Variants in ZC2HC1A observed in about 807,000 individuals in gnomAD.
ZC2HC1A encodes zinc finger C2HC domain-containing protein 1A.
In ZC2HC1A, 28 loss-of-function variants were observed where a neutral mutation model predicts 40.7. The ratio of observed to expected loss-of-function variants is 0.69; its 90% CI spans 0.51 to 0.94. ZC2HC1A has a LOEUF of 0.94. Among genes scored for constraint, ZC2HC1A ranks in the 40% least tolerant of loss-of-function variants. The probability of loss-of-function intolerance (pLI) is 0.00; values close to 1 mark genes in which losing one functional copy is unlikely to be tolerated. For synonymous variants in ZC2HC1A, 129 were observed against 129.2 expected, an observed-to-expected ratio of 1.00 and a Z score of 0.01; for missense variants, 389 against 386.3, an observed-to-expected ratio of 1.01 and a Z score of -0.06.
At chr8:78,713,999 G>T (rs1011273694) in intron 7 of ZC2HC1A, among the ~76,000 whole-genome samples, 2 of 152,038 alleles carry the variant, frequency 1.3e-5, no homozygotes, top group Non-Finnish European at 2.9e-5. Flanking sequence ...CAATTTTAGG[G>T]TACTCTCTCC....
Position 78,686,398 on chromosome 8 carries a change from G to A in ZC2HC1A, c.211-69G>A, listed in dbSNP as rs554946022. On this transcript the variant is annotated intron_variant, in intron 3 of 8. Transcript: ENST00000263849. ...TTAAAATGATATGGAATTATCTGAT[G>A]TTTTATTTCAATATACTAAAAAGAT... The A allele has an allele frequency of 4.0e-4, 468 of 1,178,980 alleles. 1 individual carries two copies. In the African/African-American group the frequency reaches 6.8e-3, roughly 17 times the overall value. 73.0% of individuals were successfully genotyped at this position (1,178,980 alleles called of 1,614,324 possible).
chr8:78,681,206 C>T (rs1471258466), intron 3 of ZC2HC1A, among the ~76,000 whole-genome samples: 1 of 151,948 alleles, frequency 6.6e-6, no homozygotes, highest in East Asian at 1.9e-4. Context: ...TGTATAGCTA[C>T]CCTGGGCCTC....
intron 1 of ZC2HC1A, among the ~76,000 whole-genome samples, chr8:78,667,329 T>C (rs981704250): frequency 3.9e-5 from 6 of 152,188 alleles, no homozygotes; most frequent in South Asian, 2.1e-4. Context: ...GTCTTGTTTT[T>C]TGCTTATGTG....
Position 78,718,379 on chromosome 8 carries a change from A to G in ZC2HC1A, c.*886A>G, listed in dbSNP as rs957053114. The G allele has an allele frequency of 1.3e-5, 2 of 152,004 alleles. No homozygotes were observed. The highest frequency in any genetic ancestry group is 2.1e-4 in the South Asian group (1 of 4,838). The allele number at this position is 152,004 out of a possible 1,614,324, so 9.4% of individuals were successfully genotyped here. ...CAAAATCTTACATGTTTAAAAACAT[A>G]TAATTTTTTGTATCTGAATTTAGAA... On this transcript the variant is annotated 3_prime_UTR_variant, in exon 9 of 9. Transcript: ENST00000263849.
At chr8:78,714,659 A>G (rs1249659115) in intron 7 of ZC2HC1A, among the ~76,000 whole-genome samples, 1 of 152,232 alleles carries the variant, frequency 6.6e-6, no homozygotes, top group Non-Finnish European at 1.5e-5. Context: ...TGATCCAACC[A>G]GAAGTCCCTC....
At chr8:78,703,536 CTTT>C (rs35710652) in intron 7 of ZC2HC1A, among the ~76,000 whole-genome samples, 1 of 139,706 alleles carries the variant, frequency 7.2e-6, no homozygotes. Flanking sequence ...TAATACCCTT[CTTT>C]TTTTTTTTTT....
chr8:78,683,609 G>A (rs1356712131), intron 3 of ZC2HC1A, among the ~76,000 whole-genome samples: 1 of 152,104 alleles, frequency 6.6e-6, no homozygotes, highest in Non-Finnish European at 1.5e-5. Flanking sequence ...AACCTGTGAT[G>A]GGAGGGGCTG....
At chr8:78,673,900 G>A (rs540772292) in intron 1 of ZC2HC1A, among the ~76,000 whole-genome samples, 1 of 151,870 alleles carries the variant, frequency 6.6e-6, no homozygotes, top group African/African-American at 2.4e-5. Context: ...TCCCCAAATA[G>A]CATTATTTTA....
rs115048201 is a variant in ZC2HC1A at position 78,692,838 on chromosome 8, C to T, written c.504+3465C>T. ...TGTTGGTGTGCTGCACCCATTAACT[C>T]GTCATTTACATGGAGTATATCTCCT... On this transcript the variant is annotated intron_variant, in intron 5 of 8. Coordinates refer to ENST00000263849, the MANE Select transcript of ZC2HC1A (RefSeq NM_016010.3). 2.6e-3 allele frequency among the ~76,000 whole-genome samples: 399 copies of T among 152,164 alleles called. 1 individual carries two copies. Among genetic ancestry groups the T allele is most frequent in the African/African-American group, 9.1e-3 (376 of 41,482 alleles).
Position 78,666,121 on chromosome 8 carries a change from G to A in ZC2HC1A, c.-28G>A. The A allele has an allele frequency of 6.4e-7, 1 of 1,563,292 alleles. No individual in the cohort carries two copies. Among genetic ancestry groups the A allele is most frequent in the East Asian group, 2.4e-5 (1 of 42,404 alleles). On this transcript the variant is annotated 5_prime_UTR_variant, in exon 1 of 9. Coordinates refer to ENST00000263849, the MANE Select transcript of ZC2HC1A (RefSeq NM_016010.3). Reference sequence around the variant, plus strand: ...GGCGGTGGCGGGCGCTGCTGAAGGAGTCTCGCTGAGCTCGAGGAGGTGGCG... The same window carrying A: ...GGCGGTGGCGGGCGCTGCTGAAGGAATCTCGCTGAGCTCGAGGAGGTGGCG...
chr8:78,667,469 CAT>C (rs1396554058), intron 1 of ZC2HC1A, among the ~76,000 whole-genome samples: 2 of 151,906 alleles, frequency 1.3e-5, no homozygotes, highest in East Asian at 1.9e-4. Flanking sequence ...ATGAGATTAT[CAT>C]ATATAATATG....
chr8:78,704,520 G>A (rs945276801), intron 7 of ZC2HC1A, among the ~76,000 whole-genome samples: 1 of 151,860 alleles, frequency 6.6e-6, no homozygotes, highest in African/African-American at 2.4e-5. Flanking sequence ...CTCTCTAGCT[G>A]CCTTTAACAT....
chr8:78,675,056 G>A (rs1809536696), intron 1 of ZC2HC1A, among the ~76,000 whole-genome samples: 1 of 151,430 alleles, frequency 6.6e-6, no homozygotes, highest in South Asian at 2.1e-4. Flanking sequence ...AAAGAATGCA[G>A]TTTCTTTTTT....
chr8:78,684,716 A>G (rs1321924894), intron 3 of ZC2HC1A, among the ~76,000 whole-genome samples: 1 of 152,222 alleles, frequency 6.6e-6, no homozygotes, highest in Non-Finnish European at 1.5e-5. Flanking sequence ...CTCAGCAAAC[A>G]GGCTCTTGAG....
At chr8:78,670,409 G>A (rs1809410763) in intron 1 of ZC2HC1A, among the ~76,000 whole-genome samples, 1 of 152,176 alleles carries the variant, frequency 6.6e-6, no homozygotes, top group Non-Finnish European at 1.5e-5. Context: ...CATTGGTGGA[G>A]AACATTGGTT....
intron 1 of ZC2HC1A, among the ~76,000 whole-genome samples, chr8:78,674,535 A>G (rs1809519813): frequency 1.3e-5 from 2 of 152,098 alleles, no homozygotes; most frequent in Admixed American, 6.6e-5. Flanking sequence ...TGCCCTCCCT[A>G]AATAACTTAG....
intron 8 of ZC2HC1A, among the ~76,000 whole-genome samples, chr8:78,716,511 C>T (rs956279390): frequency 2.0e-5 from 3 of 152,028 alleles, no homozygotes; most frequent in Non-Finnish European, 2.9e-5. Flanking sequence ...AATTTAATAT[C>T]ATTAAATAAT....
At chr8:78,699,063 A>G (rs1465066246) in intron 7 of ZC2HC1A, among the ~76,000 whole-genome samples, 1 of 152,168 alleles carries the variant, frequency 6.6e-6, no homozygotes, top group Non-Finnish European at 1.5e-5. Context: ...TGAATAGTAA[A>G]TTATGAAAAT....
At chr8:78,672,782 TCTTA>T (rs1809470937) in intron 1 of ZC2HC1A, among the ~76,000 whole-genome samples, 2 of 152,218 alleles carry the variant, frequency 1.3e-5, no homozygotes, top group Non-Finnish European at 1.5e-5. Flanking sequence ...TGATAATTTT[TCTTA>T]CTTCAAATTA....
Sources: allele counts gnomAD v4.1 joint callset (sites outside exome capture counted in the v4.1 genomes callset), GRCh38; gene constraint gnomAD v4.1.1; transcripts MANE v1.5; gene names NCBI Gene and HGNC (gene_info 2026-07-23, HGNC 2026-07-21).